Variants in TEK observed in about 807,000 individuals in gnomAD.
The protein encoded by TEK is angiopoietin-1 receptor.
In TEK, 43 loss-of-function variants were observed where a neutral mutation model predicts 131.8. The ratio of observed to expected loss-of-function variants is 0.33; its 90% confidence interval spans 0.26 to 0.42. The LOEUF (loss-of-function observed/expected upper bound fraction) is 0.42, where lower values mean the gene tolerates loss of function less well. Ranked by LOEUF, TEK falls within the 10% of genes least tolerant of loss-of-function variation. TEK has a pLI of 1.00. For missense variants in TEK, 1,162 were observed against 1,384.4 expected (o/e 0.84, Z 2.55); for synonymous variants, 580 against 491.6 (o/e 1.18, Z -2.38).
chr9:27,224,818 TC>T (rs1342919058), intron 21 of TEK, among the ~76,000 whole-genome samples: 15 of 152,280 alleles, frequency 9.9e-5, no homozygotes, highest in Admixed American at 5.2e-4. Context: ...AGTCAAACTG[TC>T]TCTGTCTGCA....
chr9:27,134,777 A>G (rs1435309644), intron 1 of TEK, among the ~76,000 whole-genome samples: 1 of 152,214 alleles, frequency 6.6e-6, no homozygotes, highest in Non-Finnish European at 1.5e-5. Context: ...AGTCAAGTCC[A>G]TTTAAAGATC....
intron 4 of TEK, among the ~76,000 whole-genome samples, chr9:27,170,896 T>A (rs1208410901): frequency 6.6e-6 from 1 of 152,190 alleles, no homozygotes. Flanking sequence ...AAGCTCACAT[T>A]TGTACAGCAT....
intron 11 of TEK, among the ~76,000 whole-genome samples, chr9:27,195,108 T>G (rs1824957202): frequency 6.6e-6 from 1 of 152,226 alleles, no homozygotes; most frequent in African/African-American, 2.4e-5. Context: ...GTGGCTATTT[T>G]GGAGGTTAAA....
At chr9:27,191,015 A>T (rs1050167804) in intron 10 of TEK, among the ~76,000 whole-genome samples, 1 of 152,296 alleles carries the variant, frequency 6.6e-6, no homozygotes, top group South Asian at 2.1e-4. Context: ...GCACTTGTTT[A>T]TGCCATGAAT....
chr9:27,118,891 A>T (rs755846774), intron 1 of TEK, among the ~76,000 whole-genome samples: 1 of 152,166 alleles, frequency 6.6e-6, no homozygotes, highest in African/African-American at 2.4e-5. Context: ...CATAGAGGAC[A>T]CTGTATCCCT....
intron 1 of TEK, among the ~76,000 whole-genome samples, chr9:27,113,961 C>A (rs1400132568): frequency 6.6e-6 from 1 of 152,192 alleles, no homozygotes; most frequent in East Asian, 1.9e-4. Context: ...CATCTTTCAT[C>A]TCTACTCTGC....
intron 1 of TEK, among the ~76,000 whole-genome samples, chr9:27,116,343 C>T (rs1821555061): frequency 6.6e-6 from 1 of 152,016 alleles, no homozygotes; most frequent in Admixed American, 6.5e-5. Context: ...GGCTGGAGTG[C>T]AGTGGCACGA....
At chr9:27,159,221 C>T (rs977989489) in intron 2 of TEK, among the ~76,000 whole-genome samples, 1 of 152,132 alleles carries the variant, frequency 6.6e-6, no homozygotes, top group Non-Finnish European at 1.5e-5. Context: ...GTACAATTCT[C>T]AGCTTAGGTT....
intron 21 of TEK, among the ~76,000 whole-genome samples, chr9:27,226,104 G>A (rs867917283): frequency 2.0e-5 from 3 of 152,184 alleles, no homozygotes; most frequent in Admixed American, 6.5e-5. Flanking sequence ...AGGATGTGGA[G>A]AAATAGGAAT....
intron 1 of TEK, among the ~76,000 whole-genome samples, chr9:27,122,607 C>T (rs894818324): frequency 4.6e-5 from 7 of 151,806 alleles, no homozygotes; most frequent in South Asian, 2.1e-4. Context: ...TAGGATGAAG[C>T]GGTGTGAGGT....
chr9:27,121,142 C>T (rs949560918), intron 1 of TEK, among the ~76,000 whole-genome samples: 22 of 151,770 alleles, frequency 1.4e-4, no homozygotes, highest in East Asian at 3.9e-4. Flanking sequence ...ACCAACATGG[C>T]GAAACCCCGC....
chr9:27,153,904 T>C (rs2131111059), intron 1 of TEK, among the ~76,000 whole-genome samples: 1 of 152,348 alleles, frequency 6.6e-6, no homozygotes, highest in Middle Eastern at 3.4e-3. Flanking sequence ...CTCTATTCTT[T>C]CTGAAAGGCT....
intron 17 of TEK, among the ~76,000 whole-genome samples, 161 bp from the exon 18 acceptor site, chr9:27,213,323 G>C (rs1005043595): frequency 3.9e-5 from 6 of 152,140 alleles, no homozygotes; most frequent in African/African-American, 1.4e-4. Context: ...TCATTTGGCA[G>C]AATCCATTAC....
At chr9:27,142,560 T>C (rs1822765343) in intron 1 of TEK, among the ~76,000 whole-genome samples, 1 of 152,196 alleles carries the variant, frequency 6.6e-6, no homozygotes, top group African/African-American at 2.4e-5. Flanking sequence ...GGAGGGTGAA[T>C]GGGAAATGAG....
intron 14 of TEK, 77 bp downstream of exon 14, chr9:27,205,142 C>T (rs1248963483): frequency 1.3e-6 from 2 of 1,567,010 alleles, no homozygotes; most frequent in Non-Finnish European, 1.8e-6. Context: ...AGATATGGAC[C>T]AGGAAATTTA....
intron 12 of TEK, among the ~76,000 whole-genome samples, chr9:27,202,318 T>A (rs1188723876): frequency 1.3e-5 from 2 of 152,182 alleles, no homozygotes; most frequent in Admixed American, 1.3e-4. Context: ...ACACTAAGAC[T>A]ATGGACTACA....
intron 18 of TEK, 48 bp downstream of exon 18, chr9:27,213,645 CCT>C (rs758616773): frequency 4.3e-6 from 6 of 1,402,626 alleles, no homozygotes; most frequent in African/African-American, 2.8e-5. Flanking sequence ...GAGGTACTCC[CCT>C]GTCTCCTGAT....
At chr9:27,213,170 G>C (rs990041803) in intron 17 of TEK, among the ~76,000 whole-genome samples, 3 of 152,018 alleles carry the variant, frequency 2.0e-5, no homozygotes, top group Non-Finnish European at 4.4e-5. Context: ...AATACGTAGC[G>C]AGGTACCTTA....
At chr9:27,135,833 C>T (rs7042119) in intron 1 of TEK, among the ~76,000 whole-genome samples, 44,735 of 151,966 alleles carry the variant, frequency 0.29, 7,538 homozygotes, top group African/African-American at 0.45. Context: ...GCAGAGAGGA[C>T]GCCTTTAAAA....
Sources: allele counts gnomAD v4.1 joint callset (sites outside exome capture counted in the v4.1 genomes callset), GRCh38; gene constraint gnomAD v4.1.1; transcripts MANE v1.5; gene names NCBI Gene and HGNC (gene_info 2026-07-23, HGNC 2026-07-21).